GREB1L: variants seen among roughly 807,000 people sequenced by gnomAD.
GREB1L encodes the protein GREB1-like protein.
In GREB1L, 17 loss-of-function variants were observed where a neutral mutation model predicts 200.8. The observed-to-expected ratio is 0.08, with a 90% CI of 0.06 to 0.13. The LOEUF (loss-of-function observed/expected upper bound fraction) is 0.13, where lower values mean the gene tolerates loss of function less well. Ranked by LOEUF, GREB1L falls within the 10% of genes least tolerant of loss-of-function variation. The pLI is 1.00. For synonymous variants in GREB1L, 789 were observed against 893.0 expected (o/e 0.88, Z 2.08); for missense variants, 1,657 against 2,367.7 (o/e 0.70, Z 6.23).
chr18:21,278,380 C>CAAAAAAAAAAAA (rs550496435), intron 1 of GREB1L, among the ~76,000 whole-genome samples: 5 of 106,288 alleles, frequency 4.7e-5, no homozygotes, highest in East Asian at 2.7e-4. Flanking sequence ...GACTCCATCT[C>CAAAAAAAAAAAA]AAAAAAAAAA....
chr18:21,460,007 C>A (rs1451223505), intron 15 of GREB1L, among the ~76,000 whole-genome samples: 2 of 152,164 alleles, frequency 1.3e-5, no homozygotes, highest in Admixed American at 1.3e-4. Flanking sequence ...TACCCTGGAC[C>A]CTGCCTAATC....
chr18:21,265,621 G>T (rs868431789), intron 1 of GREB1L, among the ~76,000 whole-genome samples: 12 of 152,168 alleles, frequency 7.9e-5, no homozygotes, highest in African/African-American at 2.9e-4. Context: ...ATAAGCAAAA[G>T]ATTATTTTGT....
chr18:21,386,741 G>A (rs187768273), intron 4 of GREB1L, among the ~76,000 whole-genome samples: 2 of 150,878 alleles, frequency 1.3e-5, no homozygotes, highest in Admixed American at 1.3e-4. Context: ...TCCTGACTTC[G>A]TGATCCGCCT....
chr18:21,452,384 T>G, intron 14 of GREB1L, 167 bp downstream of exon 14: 2 of 656,388 alleles, frequency 3.0e-6, no homozygotes, highest in Admixed American at 6.5e-5. Context: ...CTTTCCCATG[T>G]GGCCTGGATC....
At chr18:21,333,066 C>G (rs2039129024) in intron 1 of GREB1L, among the ~76,000 whole-genome samples, 1 of 151,968 alleles carries the variant, frequency 6.6e-6, no homozygotes, top group African/African-American at 2.4e-5. Context: ...GCCTGGGTGA[C>G]AGAGACCCTA....
At chr18:21,286,171 G>A (rs564786222) in intron 1 of GREB1L, among the ~76,000 whole-genome samples, 10 of 152,294 alleles carry the variant, frequency 6.6e-5, no homozygotes, top group East Asian at 1.9e-4. Flanking sequence ...GTACTTGTCC[G>A]AGGACCACAC....
chr18:21,433,868 G>A (rs1292074459), intron 7 of GREB1L, among the ~76,000 whole-genome samples: 1 of 152,066 alleles, frequency 6.6e-6, no homozygotes, highest in East Asian at 1.9e-4. Context: ...CTGTTCTGCT[G>A]GAGTAGTCAG....
At chr18:21,279,944 C>T (rs772782024) in intron 1 of GREB1L, among the ~76,000 whole-genome samples, 1 of 152,150 alleles carries the variant, frequency 6.6e-6, no homozygotes, top group South Asian at 2.1e-4. Flanking sequence ...CCCAAATATA[C>T]CGTTTTGAAC....
chr18:21,337,915 A>T (rs2039211507), intron 1 of GREB1L, among the ~76,000 whole-genome samples: 1 of 151,972 alleles, frequency 6.6e-6, no homozygotes, highest in African/African-American at 2.4e-5. Context: ...TGAACCTGGG[A>T]GGCGGAGCTT....
At chr18:21,350,389 C>A (rs2039415765) in intron 1 of GREB1L, among the ~76,000 whole-genome samples, 4 of 151,798 alleles carry the variant, frequency 2.6e-5, no homozygotes, top group African/African-American at 9.7e-5. Context: ...AGGCACACAT[C>A]AACACACCCG....
intron 2 of GREB1L, among the ~76,000 whole-genome samples, chr18:21,373,570 G>A (rs1391911670): frequency 6.6e-6 from 1 of 152,144 alleles, no homozygotes; most frequent in African/African-American, 2.4e-5. Flanking sequence ...CTGACCTCAG[G>A]TGATCCACCC....
intron 2 of GREB1L, among the ~76,000 whole-genome samples, chr18:21,376,829 A>AG (rs1163378015): frequency 6.6e-6 from 1 of 151,746 alleles, no homozygotes; most frequent in African/African-American, 2.4e-5. Context: ...AAAAAAAAAA[A>AG]AAAAGAAAGC....
intron 4 of GREB1L, among the ~76,000 whole-genome samples, chr18:21,390,789 C>T (rs1456272635): frequency 1.3e-5 from 2 of 152,102 alleles, no homozygotes; most frequent in East Asian, 3.8e-4. Flanking sequence ...CCCGCCTTGG[C>T]CTCCCAAAGT....
At chr18:21,291,832 C>G (rs2038455478) in intron 1 of GREB1L, among the ~76,000 whole-genome samples, 1 of 152,134 alleles carries the variant, frequency 6.6e-6, no homozygotes, top group Admixed American at 6.5e-5. Context: ...GTGCAGGGAT[C>G]TCTACATAAT....
At chr18:21,491,436 G>A (rs1295109400) in intron 19 of GREB1L, among the ~76,000 whole-genome samples, 3 of 152,234 alleles carry the variant, frequency 2.0e-5, no homozygotes, top group Admixed American at 6.5e-5. Context: ...TGGGCTGGGC[G>A]CAGTGGCTCA....
chr18:21,394,713 C>A (rs2040968207), intron 4 of GREB1L, among the ~76,000 whole-genome samples: 1 of 151,904 alleles, frequency 6.6e-6, no homozygotes, highest in Non-Finnish European at 1.5e-5. Flanking sequence ...GACACTGTAC[C>A]CATCTAGAGA....
intron 5 of GREB1L, among the ~76,000 whole-genome samples, chr18:21,396,837 A>G (rs1418947937): frequency 1.3e-5 from 2 of 152,234 alleles, no homozygotes; most frequent in Non-Finnish European, 2.9e-5. Context: ...AATAATTAAA[A>G]AGATAAGAGA....
chr18:21,276,678 C>T (rs2038169760), intron 1 of GREB1L, among the ~76,000 whole-genome samples: 1 of 151,992 alleles, frequency 6.6e-6, no homozygotes, highest in Admixed American at 6.6e-5. Flanking sequence ...CTTCCTTCTG[C>T]TTTATTGTAA....
chr18:21,514,848 G>A (rs898353226), intron 28 of GREB1L, among the ~76,000 whole-genome samples: 1 of 152,160 alleles, frequency 6.6e-6, no homozygotes, highest in Non-Finnish European at 1.5e-5. Flanking sequence ...CTCTTCCTGG[G>A]GTAGTGCCCC....
Sources: gnomAD v4.1 joint callset for allele counts (sites outside exome capture counted in the v4.1 genomes callset) on GRCh38, gnomAD v4.1.1 for gene constraint, MANE v1.5 for transcripts, NCBI Gene and HGNC (gene_info 2026-07-23, HGNC 2026-07-21) for gene names.